SBF2: variants seen among roughly 807,000 people sequenced by gnomAD.
The protein encoded by SBF2 is SET binding factor 2, also known as myotubularin-related protein 13.
SBF2 carries 112 observed loss-of-function variants against 225.2 expected under a neutral mutation model. The observed-to-expected ratio is 0.50, with a 90% CI of 0.43 to 0.58. SBF2 has a LOEUF of 0.58. SBF2 is among the 20% of genes least tolerant of loss of function. The pLI is 0.00. For missense variants in SBF2, 1,996 were observed against 2,206.2 expected, an observed-to-expected ratio of 0.90 and a Z score of 1.91; for synonymous variants, 763 against 773.3, an observed-to-expected ratio of 0.99 and a Z score of 0.22.
intron 1 of SBF2, among the ~76,000 whole-genome samples, chr11:10,292,961 TGAAA>T (rs1164534753): frequency 6.6e-6 from 1 of 152,054 alleles, no homozygotes; most frequent in Admixed American, 6.6e-5. Flanking sequence ...AGAGGAATAA[TGAAA>T]GAGAGAGTGG....
chr11:9,818,236 C>T (rs370638490), intron 28 of SBF2, among the ~76,000 whole-genome samples: 4 of 152,290 alleles, frequency 2.6e-5, no homozygotes, highest in African/African-American at 2.4e-5. Context: ...TGAGCCACCA[C>T]GCCCAGCCAG....
chr11:9,803,918 G>A lies in SBF2; in HGVS notation c.4443+4082C>T, dbSNP rs1853637270. Among the ~76,000 whole-genome samples, 3 of 152,154 alleles carry A rather than the reference G, an allele frequency of 2.0e-5. No individual in the cohort carries two copies. The South Asian group carries it at 6.2e-4, about 32-fold the overall frequency. ...AGCTATACTGGGATTCCTGCCAGGA[G>A]GAAAATGATTTGAGAAGGTAACGAT... On this transcript the variant is annotated intron_variant, in intron 32 of 39. Transcript: ENST00000256190.
chr11:10,050,929 G>A (rs1950038598), intron 2 of SBF2, among the ~76,000 whole-genome samples: 1 of 152,066 alleles, frequency 6.6e-6, no homozygotes, highest in Admixed American at 6.6e-5. Flanking sequence ...TAAAACCACA[G>A]AAAGCAAAAC....
chr11:9,998,352 C>T lies in SBF2; in HGVS notation c.889G>A (p.Gly297Arg), dbSNP rs368139267. 1.9e-6 allele frequency: 3 copies of T among 1,601,694 alleles called. No homozygotes were observed. Among genetic ancestry groups the T allele is most frequent in the Non-Finnish European group, 2.6e-6 (3 of 1,169,490 alleles). The change falls in exon 9 of 40, where the codon GGA becomes AGA. Residue 297 changes from glycine to arginine, a missense_variant. Coordinates refer to ENST00000256190, the MANE Select transcript of SBF2 (RefSeq NM_030962.4). The stretch of plus-strand genomic sequence containing the variant: ...CATTCGGGAATTTTAATAGTGCCTC[C>T]ATCCAAATCTGCTATGATTACATCT... ...LLDVIIADLDGGTIKIPECIH... is the reference protein window; with the variant it reads ...LLDVIIADLDRGTIKIPECIH...
chr11:9,953,012 C>T (rs1865948124), intron 16 of SBF2, among the ~76,000 whole-genome samples: 1 of 152,202 alleles, frequency 6.6e-6, no homozygotes, highest in Non-Finnish European at 1.5e-5. Context: ...ACCATTTGAT[C>T]CAGCAATGTA....
chr11:10,300,862 TG>T (rs1964593255), intron 1 of SBF2, among the ~76,000 whole-genome samples: 1 of 151,250 alleles, frequency 6.6e-6, no homozygotes, highest in East Asian at 1.9e-4. Context: ...GTTGCCAGGC[TG>T]GTCTTGAACT....
chr11:10,278,738 G>A (rs527879765), intron 1 of SBF2, among the ~76,000 whole-genome samples: 35 of 149,636 alleles, frequency 2.3e-4, no homozygotes, highest in Non-Finnish European at 3.3e-4. Context: ...AGCTGAGACC[G>A]AGCCCCATTG....
intron 1 of SBF2, among the ~76,000 whole-genome samples, chr11:10,207,274 G>A (rs1462692973): frequency 6.6e-6 from 1 of 151,946 alleles, no homozygotes; most frequent in African/African-American, 2.4e-5. Context: ...GGAAAATCCA[G>A]ACATTCTTGG....
intron 1 of SBF2, among the ~76,000 whole-genome samples, chr11:10,291,734 T>C (rs975314206): frequency 6.6e-6 from 1 of 151,970 alleles, no homozygotes; most frequent in Non-Finnish European, 1.5e-5. Flanking sequence ...ATTAAGAGTT[T>C]AGTGAGGAAC....
intron 2 of SBF2, among the ~76,000 whole-genome samples, chr11:10,049,268 A>C (rs1250064602): frequency 6.6e-6 from 1 of 152,160 alleles, no homozygotes; most frequent in Non-Finnish European, 1.5e-5. Flanking sequence ...TTAACATGGA[A>C]TGGGATTTTG....
intron 2 of SBF2, among the ~76,000 whole-genome samples, chr11:10,186,941 T>C (rs962820049): frequency 1.3e-5 from 2 of 152,202 alleles, no homozygotes; most frequent in Non-Finnish European, 2.9e-5. Flanking sequence ...AAAATTAAGA[T>C]AAGGGAAACA....
chr11:9,879,311 C>T (rs558189838), intron 17 of SBF2, among the ~76,000 whole-genome samples: 2 of 152,162 alleles, frequency 1.3e-5, no homozygotes, highest in East Asian at 1.9e-4. Flanking sequence ...TTGTTATTCA[C>T]GAGTCATGAG....
intron 3 of SBF2, among the ~76,000 whole-genome samples, chr11:10,039,457 C>G (rs1225301966): frequency 6.6e-6 from 1 of 151,570 alleles, no homozygotes; most frequent in Non-Finnish European, 1.5e-5. Context: ...CTGGCTAGTA[C>G]CTAAGTACAA....
intron 16 of SBF2, among the ~76,000 whole-genome samples, chr11:9,943,731 C>T (rs970482675): frequency 6.6e-6 from 1 of 152,028 alleles, no homozygotes; most frequent in African/African-American, 2.4e-5. Flanking sequence ...ATTTTTAATA[C>T]TAAAAGTTGG....
At chr11:10,153,171 T>C (rs932893916) in intron 2 of SBF2, among the ~76,000 whole-genome samples, 3 of 152,074 alleles carry the variant, frequency 2.0e-5, no homozygotes, top group Non-Finnish European at 4.4e-5. Context: ...CTGGTGATAG[T>C]GAAATGTAAG....
intron 12 of SBF2, among the ~76,000 whole-genome samples, chr11:9,990,520 A>T (rs1056779269): frequency 6.6e-6 from 1 of 152,178 alleles, no homozygotes; most frequent in African/African-American, 2.4e-5. Flanking sequence ...ACGGCCAAAG[A>T]GGGTAGAATG....
At chr11:9,972,845 C>T (rs1035499522) in intron 13 of SBF2, among the ~76,000 whole-genome samples, 1 of 152,140 alleles carries the variant, frequency 6.6e-6, no homozygotes, top group Non-Finnish European at 1.5e-5. Flanking sequence ...CAAATCCATA[C>T]ACAATTTAGA....
At chr11:10,190,292 GA>G (rs1467665700) in intron 2 of SBF2, among the ~76,000 whole-genome samples, 1 of 152,100 alleles carries the variant, frequency 6.6e-6, no homozygotes, top group African/African-American at 2.4e-5. Context: ...GAATGCCTCT[GA>G]AAAACAATTT....
chr11:10,032,691 T>A (rs1161078286), intron 3 of SBF2, among the ~76,000 whole-genome samples: 1 of 152,230 alleles, frequency 6.6e-6, no homozygotes, highest in Non-Finnish European at 1.5e-5. Flanking sequence ...ACTTATCTTG[T>A]TTTTTAGTTT....
Sources: gnomAD v4.1 joint callset for allele counts (sites outside exome capture counted in the v4.1 genomes callset) on GRCh38, gnomAD v4.1.1 for gene constraint, MANE v1.5 for transcripts, NCBI Gene and HGNC (gene_info 2026-07-23, HGNC 2026-07-21) for gene names.